The following CCAR1 variants were observed in gnomAD, a reference collection of about 807,000 sequenced individuals.
The protein encoded by CCAR1 is cell division cycle and apoptosis regulator protein 1.
In CCAR1, 78 loss-of-function variants were observed where a neutral mutation model predicts 163.8. The observed-to-expected ratio is 0.48, with a 90% confidence interval of 0.40 to 0.57. CCAR1 has a LOEUF of 0.57. Ranked by LOEUF, CCAR1 falls within the 20% of genes least tolerant of loss-of-function variation. CCAR1 has a pLI of 0.00. For missense variants in CCAR1, 1,019 were observed against 1,365.2 expected, an observed-to-expected ratio of 0.75 and a Z score of 4.00; for synonymous variants, 443 against 460.7, an observed-to-expected ratio of 0.96 and a Z score of 0.49.
chr10:68,722,389 T>C, intron 1 of CCAR1, 66 bp from the exon 2 acceptor site: 1 of 821,058 alleles, frequency 1.2e-6, no homozygotes, highest in East Asian at 2.4e-5. Flanking sequence ...TTCTTTCTAT[T>C]GTAATATCCT....
rs1175979743 is a variant in CCAR1, at chr10:68,753,807, T to A, written c.1119-45T>A. On this transcript the variant is annotated intron_variant, in intron 10 of 24. Transcript: ENST00000265872. ...TACAGAATTAAATGTTTGTGTAACC[T>A]TTTTTATTAAGGCTATTTATTCACT... The A allele has an allele frequency of 2.9e-6, 4 of 1,365,194 alleles. No homozygotes were observed. The South Asian group carries it at 4.8e-5, about 16-fold the overall frequency. The allele number at this position is 1,365,194 out of a possible 1,614,324, so 84.6% of individuals were successfully genotyped here.
chr10:68,766,146 T>C, intron 17 of CCAR1, 67 bp downstream of exon 17: 1 of 926,844 alleles, frequency 1.1e-6, no homozygotes. Flanking sequence ...AATATATCTC[T>C]ATCTCTGAAA....
At chr10:68,761,245 G>T in intron 16 of CCAR1, 53 bp downstream of exon 16, 3 of 1,005,768 alleles carry the variant, frequency 3.0e-6, no homozygotes, top group Non-Finnish European at 4.1e-6. Flanking sequence ...CATGTATAGG[G>T]TGTTCTTGGA....
chr10:68,789,912 G>A lies in CCAR1; in HGVS notation c.3390G>A (p.Lys1130=). 1 of 1,539,602 alleles carries A rather than the reference G, an allele frequency of 6.5e-7. No homozygotes were observed. The highest frequency in any genetic ancestry group is 8.7e-7 in the Non-Finnish European group (1 of 1,144,378). ...TVMDEIHTVL[K]KDNVKNEDKD... ...TGGATGAAATCCACACTGTTCTCAA[G>A]AAGGTGAGAAATTTTGTACTTTTAA... Residue 1130 remains lysine, a synonymous_variant, in exon 24 of 25, where the codon AAG becomes AAA. Transcript: ENST00000265872.
chr10:68,784,325 C>CCAGCCT (rs1225277729), intron 19 of CCAR1, among the ~76,000 whole-genome samples: 121 of 151,786 alleles, frequency 8.0e-4, no homozygotes, highest in African/African-American at 2.9e-3. Flanking sequence ...ACACAATTCT[C>CCAGCCT]CAGCCTCAGC....
intron 19 of CCAR1, among the ~76,000 whole-genome samples, chr10:68,780,159 A>G (rs2056718499): frequency 6.6e-6 from 1 of 152,236 alleles, no homozygotes; most frequent in African/African-American, 2.4e-5. Context: ...TTTTTCAATC[A>G]TCAAAAATAA....
At chr10:68,757,163 A>G in intron 14 of CCAR1, 131 bp from the exon 15 acceptor site, 1 of 576,670 alleles carries the variant, frequency 1.7e-6, no homozygotes, top group Non-Finnish European at 3.0e-6. Flanking sequence ...ACTTGCCTAA[A>G]TAATAACTTT....
intron 24 of CCAR1, among the ~76,000 whole-genome samples, chr10:68,790,170 G>A (rs1339174032): frequency 4.6e-5 from 7 of 151,886 alleles, no homozygotes; most frequent in South Asian, 2.1e-4. Flanking sequence ...CCTCGCCAAC[G>A]TGGTGAAACC....
chr10:68,722,557 C>G lies in CCAR1; in HGVS notation c.53C>G (p.Ala18Gly), dbSNP rs1320290013. The change falls in exon 2 of 25, where the codon GCC (alanine) becomes GGC (glycine). Residue 18 changes from alanine (A) to glycine (G), a missense_variant. Around this residue, in one of 4 missense-constraint regions of CCAR1, gnomAD observed 644 missense variants for 904.4 expected, o/e 0.71. Coordinates refer to ENST00000265872, the MANE Select transcript of CCAR1 (RefSeq NM_018237.4). ...KNPPWATQFTATAVSQPAALG... is the reference protein window; with the variant it reads ...KNPPWATQFTGTAVSQPAALG... Reference sequence around the variant, plus strand: ...CCGCCATGGGCTACTCAGTTTACAGCCACTGCAGTATCACAGCCAGGTCAG... The same window carrying G: ...CCGCCATGGGCTACTCAGTTTACAGGCACTGCAGTATCACAGCCAGGTCAG... The G allele has an allele frequency of 1.2e-6, 2 of 1,612,974 alleles. No homozygotes were observed. The highest frequency in any genetic ancestry group is 1.1e-5 in the South Asian group (1 of 91,074).
chr10:68,732,054 G>A (rs2056047042), intron 2 of CCAR1, among the ~76,000 whole-genome samples: 1 of 152,104 alleles, frequency 6.6e-6, no homozygotes, highest in Non-Finnish European at 1.5e-5. Flanking sequence ...CTGCGATTTT[G>A]GCTCTCAGCA....
intron 24 of CCAR1, among the ~76,000 whole-genome samples, chr10:68,790,354 TAA>T (rs530271339): frequency 9.6e-5 from 13 of 136,004 alleles, no homozygotes; most frequent in Admixed American, 1.5e-4. Context: ...GACCCCATCT[TAA>T]AAAAAAAAAA....
In CCAR1 at chr10:68,722,444, T is replaced by C; in HGVS notation, c.-50-11T>C. 1 of 1,335,218 alleles carries C rather than the reference T, an allele frequency of 7.5e-7. No homozygotes were observed. The highest frequency in any genetic ancestry group is 1.1e-6 in the Non-Finnish European group (1 of 925,882). The allele number at this position is 1,335,218 out of a possible 1,614,324, so 82.7% of individuals were successfully genotyped here. ...GGTTGGACTTTAAAATGTGGATCCT[T>C]TTCTTGATAGATCGATGCTATAGAA... is the stretch of plus-strand genomic sequence containing the variant. On this transcript the variant is annotated splice_polypyrimidine_tract_variant and intron_variant, in intron 1 of 24. Coordinates refer to ENST00000265872, the MANE Select transcript of CCAR1 (RefSeq NM_018237.4).
intron 19 of CCAR1, among the ~76,000 whole-genome samples, chr10:68,783,192 T>A (rs1044904213): frequency 6.6e-6 from 1 of 151,596 alleles, no homozygotes; most frequent in Non-Finnish European, 1.5e-5. Context: ...TTATTTATTT[T>A]TATTTTTTAT....
At chr10:68,788,857 T>C (rs1456853551) in intron 23 of CCAR1, among the ~76,000 whole-genome samples, 1 of 152,138 alleles carries the variant, frequency 6.6e-6, no homozygotes, top group Non-Finnish European at 1.5e-5. Flanking sequence ...TAGGTCTTCC[T>C]GTGTATTCTC....
intron 15 of CCAR1, among the ~76,000 whole-genome samples, chr10:68,760,393 C>A (rs2056453991): frequency 6.6e-6 from 1 of 152,074 alleles, no homozygotes; most frequent in African/African-American, 2.4e-5. Context: ...TTTTTTCCCC[C>A]TTCTATTTAG....
chr10:68,746,476 G>A (rs1372433040), intron 6 of CCAR1, among the ~76,000 whole-genome samples: 1 of 151,862 alleles, frequency 6.6e-6, no homozygotes, highest in African/African-American at 2.4e-5. Context: ...TAGCCAGGCT[G>A]GTGTTGAACT....
At chr10:68,764,887 A>T (rs1398750308) in intron 16 of CCAR1, among the ~76,000 whole-genome samples, 3 of 152,154 alleles carry the variant, frequency 2.0e-5, no homozygotes, top group African/African-American at 7.2e-5. Flanking sequence ...ATCTACAGGG[A>T]TGTAATTCTG....
intron 4 of CCAR1, among the ~76,000 whole-genome samples, chr10:68,740,156 G>A (rs773644332): frequency 6.6e-6 from 1 of 152,124 alleles, no homozygotes; most frequent in African/African-American, 2.4e-5. Context: ...CATTTCTGTA[G>A]CATGGTAATC....
intron 12 of CCAR1, chr10:68,755,142 A>G: frequency 4.1e-6 from 3 of 724,942 alleles, no homozygotes; most frequent in Non-Finnish European, 7.6e-6. Flanking sequence ...CTTTAAAAGA[A>G]CTCTATCTGA....
Sources: gnomAD v4.1 joint callset for allele counts (sites outside exome capture counted in the v4.1 genomes callset) on GRCh38, gnomAD v4.1.1 for gene constraint, gnomAD v4.1.1 regional missense constraint, MANE v1.5 for transcripts, NCBI Gene and HGNC (gene_info 2026-07-23, HGNC 2026-07-21) for gene names.